RGS6: variants seen among roughly 807,000 people sequenced by gnomAD.
RGS6 encodes regulator of G protein signaling 6.
RGS6 carries 30 observed loss-of-function variants against 78.5 expected under a neutral mutation model. The ratio of observed to expected loss-of-function variants is 0.38; its 90% CI spans 0.29 to 0.52. The LOEUF is 0.52. Among genes scored for constraint, RGS6 ranks in the 20% least tolerant of loss-of-function variants. RGS6 has a pLI of 0.85. For missense variants in RGS6, 495 were observed against 609.7 expected, an observed-to-expected ratio of 0.81 and a Z score of 1.98; for synonymous variants, 206 against 206.0, an observed-to-expected ratio of 1.00 and a Z score of 0.00.
At chr14:72,081,461 CT>C (rs1171497569) in intron 2 of RGS6, among the ~76,000 whole-genome samples, 3 of 151,970 alleles carry the variant, frequency 2.0e-5, no homozygotes, top group Non-Finnish European at 1.5e-5. Context: ...TCTAAATTAT[CT>C]TTTCCTCCTC....
intron 2 of RGS6, among the ~76,000 whole-genome samples, chr14:72,166,315 T>G (rs2153671813): frequency 6.6e-6 from 1 of 152,322 alleles, no homozygotes; most frequent in African/African-American, 2.4e-5. Context: ...TCCCATTTTT[T>G]GTTAGATTCA....
At chr14:72,177,506 T>C (rs1436258745) in intron 2 of RGS6, among the ~76,000 whole-genome samples, 1 of 152,132 alleles carries the variant, frequency 6.6e-6, no homozygotes, top group Non-Finnish European at 1.5e-5. Context: ...AACTTTTTAC[T>C]ACATGTAGGT....
intron 2 of RGS6, among the ~76,000 whole-genome samples, chr14:72,141,373 C>G (rs571200672): frequency 6.6e-5 from 10 of 152,268 alleles, no homozygotes; most frequent in African/African-American, 2.4e-4. Context: ...CTCTGTGGAG[C>G]CTTGGATCCT....
intron 2 of RGS6, among the ~76,000 whole-genome samples, chr14:71,994,525 G>T (rs889407876): frequency 3.3e-5 from 5 of 151,984 alleles, no homozygotes; most frequent in African/African-American, 7.2e-5. Flanking sequence ...TGTATGAATT[G>T]TGTCCCCCTC....
intron 2 of RGS6, among the ~76,000 whole-genome samples, chr14:72,232,459 C>T (rs2049893395): frequency 2.6e-5 from 4 of 151,732 alleles, no homozygotes; most frequent in Admixed American, 2.6e-4. Context: ...ATCCACGTAA[C>T]TCAGTCTCTT....
At chr14:72,137,832 T>C (rs1472542701) in intron 2 of RGS6, among the ~76,000 whole-genome samples, 1 of 152,178 alleles carries the variant, frequency 6.6e-6, no homozygotes, top group Non-Finnish European at 1.5e-5. Flanking sequence ...TGGGTTTTTA[T>C]GGAGGCTTCA....
intron 2 of RGS6, among the ~76,000 whole-genome samples, chr14:72,250,240 T>TA (rs71448390): frequency 0.094 from 13,571 of 144,882 alleles, 761 homozygotes; most frequent in East Asian, 0.27. Context: ...TAAACTATAA[T>TA]AAAAAAAAAA....
intron 4 of RGS6, among the ~76,000 whole-genome samples, chr14:72,455,528 C>G (rs77684763): frequency 2.0e-5 from 3 of 152,308 alleles, no homozygotes; most frequent in African/African-American, 4.8e-5. Flanking sequence ...AATACAGTTT[C>G]TATGCAGTTC....
intron 2 of RGS6, among the ~76,000 whole-genome samples, chr14:72,076,526 T>C (rs1030528501): frequency 9.2e-5 from 14 of 152,196 alleles, no homozygotes; most frequent in Non-Finnish European, 8.8e-5. Flanking sequence ...TTCATATACA[T>C]ATCTATACAC....
intron 17 of RGS6, chr14:72,550,343 G>A: frequency 1.2e-6 from 1 of 823,316 alleles, no homozygotes; most frequent in Admixed American, 2.0e-5. Flanking sequence ...AGGCAGGGAG[G>A]CAGAGGGCAC....
At chr14:72,167,216 T>TG (rs1567361178) in intron 2 of RGS6, among the ~76,000 whole-genome samples, 1 of 152,220 alleles carries the variant, frequency 6.6e-6, no homozygotes, top group African/African-American at 2.4e-5. Flanking sequence ...ACGGTTGGAC[T>TG]GGGGGGCCTC....
intron 2 of RGS6, among the ~76,000 whole-genome samples, chr14:72,086,176 C>T (rs1217502654): frequency 6.6e-6 from 1 of 152,214 alleles, no homozygotes; most frequent in Non-Finnish European, 1.5e-5. Context: ...TGCAACTGTG[C>T]TGACCAGTTT....
the RGS6 span, among the ~76,000 whole-genome samples, chr14:71,923,502 A>G: frequency 6.6e-5 from 10 of 151,040 alleles, no homozygotes; most frequent in African/African-American, 2.4e-4. Flanking sequence ...GAGAGGATTG[A>G]TTGAGCCCAG....
At chr14:72,424,102 C>T (rs1353772683) in intron 3 of RGS6, among the ~76,000 whole-genome samples, 1 of 152,168 alleles carries the variant, frequency 6.6e-6, no homozygotes, top group Non-Finnish European at 1.5e-5. Flanking sequence ...GGGACAGTCT[C>T]CTTGGGCTGC....
chr14:72,093,252 A>G (rs2095322556), intron 2 of RGS6, among the ~76,000 whole-genome samples: 1 of 151,852 alleles, frequency 6.6e-6, no homozygotes, highest in African/African-American at 2.4e-5. Context: ...TGCATATTTT[A>G]TTTTATCGAG....
At chr14:72,597,482 G>C in the RGS6 span, among the ~76,000 whole-genome samples, 5 of 152,290 alleles carry the variant, frequency 3.3e-5, no homozygotes, top group East Asian at 9.7e-4. Flanking sequence ...TTTCTCCTAC[G>C]TGTCCCTGAC....
intron 12 of RGS6, among the ~76,000 whole-genome samples, chr14:72,483,860 T>G (rs750264353): frequency 4.0e-4 from 61 of 152,296 alleles, no homozygotes; most frequent in Non-Finnish European, 4.3e-4. Context: ...TTCACCTTCA[T>G]GCTCCTTCAC....
At chr14:72,311,388 G>T (rs1325753907) in intron 2 of RGS6, among the ~76,000 whole-genome samples, 1 of 152,018 alleles carries the variant, frequency 6.6e-6, no homozygotes, top group Non-Finnish European at 1.5e-5. Flanking sequence ...ATGCTAATAA[G>T]ATTTGGCCTG....
At chr14:72,514,170 G>A (rs778224187) in intron 14 of RGS6, 1 of 152,094 alleles carries the variant, frequency 6.6e-6, no homozygotes, top group African/African-American at 2.4e-5. Context: ...TAGGCACCCC[G>A]GAATTTTAGC....
Sources: allele counts gnomAD v4.1 joint callset (sites outside exome capture counted in the v4.1 genomes callset), GRCh38; gene constraint gnomAD v4.1.1; transcripts MANE v1.5; gene names NCBI Gene and HGNC (gene_info 2026-07-23, HGNC 2026-07-21).